The following KCNK2 variants were observed in gnomAD, a reference collection of about 807,000 sequenced individuals.
The protein encoded by KCNK2 is potassium channel subfamily K member 2.
In KCNK2, 21 loss-of-function variants were observed where a neutral mutation model predicts 40.5. The ratio of observed to expected loss-of-function variants is 0.52; its 90% CI spans 0.37 to 0.75. The LOEUF (loss-of-function observed/expected upper bound fraction) is 0.75, where lower values mean the gene tolerates loss of function less well. Among genes scored for constraint, KCNK2 ranks in the 30% least tolerant of loss-of-function variants. The pLI is 0.00. For synonymous variants in KCNK2, 191 were observed against 202.2 expected (o/e 0.94, Z 0.47); for missense variants, 399 against 531.6 (o/e 0.75, Z 2.45).
chr1:215,084,182 G>GCACACA (rs71945726), intron 1 of KCNK2, among the ~76,000 whole-genome samples: 13,453 of 141,734 alleles, frequency 0.095, 681 homozygotes, highest in South Asian at 0.22. Flanking sequence ...TTAGGTTAAT[G>GCACACA]CACACACACA....
intron 1 of KCNK2, among the ~76,000 whole-genome samples, chr1:215,028,387 AAAAAT>A (rs1463797991): frequency 1.7e-4 from 26 of 152,182 alleles, no homozygotes; most frequent in African/African-American, 5.5e-4. Context: ...CTCCATCTCA[AAAAAT>A]AAAATAAAAT....
intron 6 of KCNK2, among the ~76,000 whole-genome samples, chr1:215,222,725 C>G (rs1449416498): frequency 7.5e-6 from 1 of 132,964 alleles, no homozygotes; most frequent in Non-Finnish European, 1.6e-5. Flanking sequence ...CTTAAATAAT[C>G]CTTTTAGGCT....
At chr1:215,095,930 T>C (rs745640242) in intron 2 of KCNK2, among the ~76,000 whole-genome samples, 2 of 151,956 alleles carry the variant, frequency 1.3e-5, no homozygotes, top group African/African-American at 2.4e-5. Flanking sequence ...TGCTAAAACG[T>C]GTGTGACTGG....
intron 3 of KCNK2, among the ~76,000 whole-genome samples, chr1:215,125,197 T>C (rs1251498880): frequency 1.3e-5 from 2 of 152,198 alleles, no homozygotes; most frequent in Non-Finnish European, 2.9e-5. Context: ...TATATGGTCA[T>C]TTATGATGAT....
At chr1:215,123,400 CTTA>C (rs948488736) in intron 2 of KCNK2, among the ~76,000 whole-genome samples, 40 of 149,862 alleles carry the variant, frequency 2.7e-4, no homozygotes, top group African/African-American at 9.1e-4. Flanking sequence ...TTTGTATTTT[CTTA>C]TTTTTTTTTT....
intron 1 of KCNK2, among the ~76,000 whole-genome samples, chr1:215,054,634 C>A (rs1260937871): frequency 1.3e-5 from 2 of 152,168 alleles, no homozygotes; most frequent in African/African-American, 4.8e-5. Flanking sequence ...TTTGCAAGTT[C>A]TGTGTCAAGG....
At chr1:215,070,889 T>G (rs1313348037) in intron 1 of KCNK2, among the ~76,000 whole-genome samples, 1 of 152,212 alleles carries the variant, frequency 6.6e-6, no homozygotes, top group Non-Finnish European at 1.5e-5. Flanking sequence ...GTATCAGAGG[T>G]AAAGAAGAGG....
chr1:215,072,033 A>G (rs1658772334), intron 1 of KCNK2, among the ~76,000 whole-genome samples: 1 of 152,152 alleles, frequency 6.6e-6, no homozygotes, highest in Non-Finnish European at 1.5e-5. Flanking sequence ...ATTTATTTTG[A>G]TTAGTGTGTG....
chr1:215,149,933 A>G (rs1376381547), intron 3 of KCNK2, among the ~76,000 whole-genome samples: 1 of 152,220 alleles, frequency 6.6e-6, no homozygotes, highest in Non-Finnish European at 1.5e-5. Flanking sequence ...CATAGACTGT[A>G]GGAAGATAAC....
At chr1:215,201,653 T>G (rs1275787400) in intron 6 of KCNK2, among the ~76,000 whole-genome samples, 1 of 152,176 alleles carries the variant, frequency 6.6e-6, no homozygotes, top group African/African-American at 2.4e-5. Flanking sequence ...AGTGCTGTAT[T>G]GGGTGCTGGG....
In KCNK2 at chr1:215,086,577, CCTCATGAG is replaced by C; in HGVS notation, c.257_264del (p.Pro86HisfsTer28). 1 of 1,614,134 alleles carries C rather than the reference CCTCATGAG, an allele frequency of 6.2e-7. No individual in the cohort carries two copies. Among genetic ancestry groups the C allele is most frequent in the Non-Finnish European group, 8.5e-7 (1 of 1,179,980 alleles). On this transcript the variant is annotated frameshift_variant, in exon 2 of 7. Transcript: ENST00000444842. LOFTEE classifies it high-confidence loss of function. The stretch of plus-strand genomic sequence containing the variant: ...CACCGTGTTCAAAGCATTGGAGCAG[CCTCATGAG>C]ATTTCACAGAGGACCACCATTGTGA...
At chr1:215,147,276 T>G (rs894633903) in intron 3 of KCNK2, among the ~76,000 whole-genome samples, 3 of 152,174 alleles carry the variant, frequency 2.0e-5, no homozygotes, top group Non-Finnish European at 4.4e-5. Flanking sequence ...TGTACCATCC[T>G]CCCTTTCCAG....
rs564328448 is a variant in KCNK2, at chr1:215,031,236, T to TA, written c.34+25284dup. 1.0e-3 allele frequency among the ~76,000 whole-genome samples: 152 copies of TA among 152,340 alleles called. 5 individuals carry two copies. The South Asian group carries it at 0.031, about 31-fold the overall frequency. ...ATTCTAGGTCTTTTGCATCACCATATAAACTTAAGCATCAGTTTGTCGATA... is the reference window on the plus strand; with the variant it reads ...ATTCTAGGTCTTTTGCATCACCATATAAAACTTAAGCATCAGTTTGTCGATA... On this transcript the variant is annotated intron_variant, in intron 1 of 6. Coordinates refer to the KCNK2 transcript ENST00000391895.
At chr1:215,125,247 C>T (rs546532510) in intron 3 of KCNK2, among the ~76,000 whole-genome samples, 1 of 151,492 alleles carries the variant, frequency 6.6e-6, no homozygotes, top group Admixed American at 6.6e-5. Context: ...ATATTTTGCC[C>T]GTAGCACATA....
intron 3 of KCNK2, among the ~76,000 whole-genome samples, chr1:215,131,549 A>C (rs1661683736): frequency 6.8e-6 from 1 of 147,884 alleles, no homozygotes; most frequent in Admixed American, 6.8e-5. Context: ...TTATATGTTA[A>C]TATAATTTAA....
chr1:215,221,976 G>A (rs1341480306), intron 6 of KCNK2, among the ~76,000 whole-genome samples: 3 of 152,330 alleles, frequency 2.0e-5, no homozygotes, highest in African/African-American at 7.2e-5. Context: ...GAGGCCCCAG[G>A]AAGCTTTTGC....
chr1:215,138,369 A>C (rs968790324), intron 3 of KCNK2, among the ~76,000 whole-genome samples: 3 of 152,198 alleles, frequency 2.0e-5, no homozygotes, highest in African/African-American at 7.2e-5. Context: ...TGGTTTAAAA[A>C]ATTCAGACTT....
chr1:215,057,492 A>T (rs543613946), intron 1 of KCNK2, among the ~76,000 whole-genome samples: 105 of 152,326 alleles, frequency 6.9e-4, no homozygotes, highest in Middle Eastern at 3.4e-3. Context: ...CTCAATCTGT[A>T]TCTGTACATT....
At chr1:215,149,899 A>T (rs1486766228) in intron 3 of KCNK2, among the ~76,000 whole-genome samples, 2 of 152,232 alleles carry the variant, frequency 1.3e-5, no homozygotes, top group African/African-American at 4.8e-5. Context: ...GCCTGAGTAG[A>T]ATGAAGAGAG....
Sources: gnomAD v4.1 joint callset for allele counts (sites outside exome capture counted in the v4.1 genomes callset) on GRCh38, gnomAD v4.1.1 for gene constraint, MANE v1.5 for transcripts, NCBI Gene and HGNC (gene_info 2026-07-23, HGNC 2026-07-21) for gene names.